CHKA: variants seen among roughly 807,000 people sequenced by gnomAD.
CHKA encodes the protein choline kinase alpha.
A neutral mutation model predicts 60.1 loss-of-function variants in CHKA; 34 were observed. The observed-to-expected ratio is 0.57, with a 90% CI of 0.43 to 0.75. The LOEUF (loss-of-function observed/expected upper bound fraction) is 0.75, where lower values mean the gene tolerates loss of function less well. Ranked by LOEUF, CHKA falls within the 30% of genes least tolerant of loss-of-function variation. CHKA has a pLI of 0.00. For missense variants in CHKA, 563 were observed against 561.3 expected, an observed-to-expected ratio of 1.00 and a Z score of -0.03; for synonymous variants, 217 against 223.1, an observed-to-expected ratio of 0.97 and a Z score of 0.24.
At position 68,065,837 on chromosome 11, in the gene CHKA, T is replaced by A; in HGVS notation, c.1074A>T (p.Lys358Asn). The A allele has an allele frequency of 6.2e-7, 1 of 1,606,958 alleles. No individual in the cohort carries two copies. Among genetic ancestry groups the A allele is most frequent in the Non-Finnish European group, 8.5e-7 (1 of 1,174,318 alleles). Residue 358 changes from lysine (K) to asparagine (N), a missense_variant, in exon 9 of 12, where the codon AAA becomes AAT. Coordinates refer to ENST00000265689, the MANE Select transcript of CHKA (RefSeq NM_001277.3). ...CEWMYDYSYE[K>N]YPFFRANIRK... is the part of the protein sequence containing the mutation. Reference sequence around the variant, plus strand: ...GGATGTTTGCTCTGAAAAAAGGGTATTTTTCATAGCTATAATCATACATCC... The same window carrying A: ...GGATGTTTGCTCTGAAAAAAGGGTAATTTTCATAGCTATAATCATACATCC...
chr11:68,082,366 T>TA (rs1857015220), intron 2 of CHKA: 1 of 152,560 alleles, frequency 6.6e-6, no homozygotes, highest in Non-Finnish European at 1.5e-5. Flanking sequence ...ATACTGCCTC[T>TA]AAAAATGTTA....
At position 68,120,883 on chromosome 11, in the gene CHKA, G is replaced by T. The variant is rs749741039; in HGVS notation, c.295C>A (p.Leu99Met). 1 of 1,355,716 alleles carries T rather than the reference G, an allele frequency of 7.4e-7. No individual in the cohort carries two copies. The highest frequency in any genetic ancestry group is 1.5e-5 in the South Asian group (1 of 67,244). The allele number at this position is 1,355,716 out of a possible 1,614,324, so 84.0% of individuals were successfully genotyped here. ...RRAYLWCKEF[L>M]PGAWRGLRED... ...CGGAGGCCCCGCCAGGCGCCGGGCAGGAACTCCTTGCACCACAGATAGGCC... is the reference window on the plus strand; with the variant it reads ...CGGAGGCCCCGCCAGGCGCCGGGCATGAACTCCTTGCACCACAGATAGGCC... The change falls in exon 1 of 12, where the codon CTG becomes ATG. Residue 99 changes from leucine (L) to methionine (M), a missense_variant. Physicochemically the swap from Leu to Met is conservative, Grantham distance 15 (BLOSUM62 2). Coordinates refer to ENST00000265689, the MANE Select transcript of CHKA (RefSeq NM_001277.3).
At chr11:68,069,026 G>T in intron 6 of CHKA, 89 bp from the exon 7 acceptor site, 1 of 930,242 alleles carries the variant, frequency 1.1e-6, no homozygotes, top group Non-Finnish European at 1.7e-6. Context: ...CACCAAATTC[G>T]TGCTCCAAAG....
At chr11:68,073,949 A>T (rs1252707706) in intron 4 of CHKA, among the ~76,000 whole-genome samples, 1 of 152,214 alleles carries the variant, frequency 6.6e-6, no homozygotes, top group East Asian at 1.9e-4. Flanking sequence ...AGGCTGACAA[A>T]GACGAGCATT....
At chr11:68,061,026 A>G (rs1389377157) in intron 11 of CHKA, among the ~76,000 whole-genome samples, 1 of 149,934 alleles carries the variant, frequency 6.7e-6, no homozygotes, top group Non-Finnish European at 1.5e-5. Flanking sequence ...ACCAACATTC[A>G]TTCACTATGG....
At chr11:68,076,548 G>A (rs1371161447) in intron 3 of CHKA, among the ~76,000 whole-genome samples, 3 of 152,150 alleles carry the variant, frequency 2.0e-5, no homozygotes, top group Non-Finnish European at 1.5e-5. Flanking sequence ...CGGTCCTGGT[G>A]CTCTGAAGAC....
chr11:68,088,247 G>C (rs1463479698), intron 2 of CHKA, among the ~76,000 whole-genome samples: 1 of 151,860 alleles, frequency 6.6e-6, no homozygotes, highest in African/African-American at 2.4e-5. Context: ...CCTGAGCTGA[G>C]TACTGAAACA....
chr11:68,092,547 T>C (rs534348258), intron 2 of CHKA, among the ~76,000 whole-genome samples: 1 of 152,368 alleles, frequency 6.6e-6, no homozygotes, highest in Admixed American at 6.5e-5. Flanking sequence ...CAGCAGCTGT[T>C]GCCTGGCTCG....
In CHKA at chr11:68,070,312, A is replaced by G; in HGVS notation, c.765-19T>C. On this transcript the variant is annotated intron_variant, in intron 5 of 11. Transcript: ENST00000265689. ...TAGATACCTATTAAAAAATTTTCAAAAAAGAACAGAACAAAGAATCACCGA... is the reference window on the plus strand; with the variant it reads ...TAGATACCTATTAAAAAATTTTCAAGAAAGAACAGAACAAAGAATCACCGA... The G allele has an allele frequency of 2.0e-6, 3 of 1,503,162 alleles. No homozygotes were observed. Among genetic ancestry groups the G allele is most frequent in the Non-Finnish European group, 2.8e-6 (3 of 1,080,364 alleles). The allele number at this position is 1,503,162 out of a possible 1,614,324, so 93.1% of individuals were successfully genotyped here. A position where few individuals can be genotyped will look rare whatever the true frequency, so the allele number is the denominator to read the frequency against.
chr11:68,067,820 G>A (rs904171617), intron 7 of CHKA, among the ~76,000 whole-genome samples: 39 of 152,192 alleles, frequency 2.6e-4, no homozygotes, highest in Admixed American at 2.5e-3. Flanking sequence ...GAGTTAGCCA[G>A]CGATGAGCAG....
chr11:68,091,869 TC>T (rs1398790420), intron 2 of CHKA, among the ~76,000 whole-genome samples: 4 of 152,184 alleles, frequency 2.6e-5, no homozygotes, highest in African/African-American at 7.2e-5. Context: ...GGTAAAATGT[TC>T]AAAAGCTAAA....
At chr11:68,054,858 T>C (rs1339874531) in intron 11 of CHKA, among the ~76,000 whole-genome samples, 3 of 152,152 alleles carry the variant, frequency 2.0e-5, no homozygotes, top group African/African-American at 7.2e-5. Context: ...ACCGACTCAA[T>C]ATCTGTCACT....
chr11:68,084,330 A>G (rs1432055715), intron 2 of CHKA, among the ~76,000 whole-genome samples: 1 of 140,606 alleles, frequency 7.1e-6, no homozygotes, highest in Non-Finnish European at 1.5e-5. Context: ...ATATATACAC[A>G]TATACGTATA....
At chr11:68,112,830 C>T (rs192089312) in intron 1 of CHKA, among the ~76,000 whole-genome samples, 95 of 152,160 alleles carry the variant, frequency 6.2e-4, no homozygotes, top group African/African-American at 2.2e-3. Flanking sequence ...TGCCTGTAAT[C>T]CCAGCACTTC....
At chr11:68,065,286 G>C (rs1856403632) in intron 9 of CHKA, among the ~76,000 whole-genome samples, 1 of 152,190 alleles carries the variant, frequency 6.6e-6, no homozygotes, top group Non-Finnish European at 1.5e-5. Flanking sequence ...CTGAATACAA[G>C]TATCTCTGGC....
intron 1 of CHKA, among the ~76,000 whole-genome samples, chr11:68,119,235 T>TA (rs1255550152): frequency 1.3e-5 from 2 of 152,094 alleles, no homozygotes; most frequent in Non-Finnish European, 2.9e-5. Flanking sequence ...GCCTATTAAC[T>TA]CTCACTCTTA....
intron 3 of CHKA, among the ~76,000 whole-genome samples, 173 bp from the exon 4 acceptor site, chr11:68,075,003 C>A (rs1856741832): frequency 6.6e-6 from 1 of 152,220 alleles, no homozygotes; most frequent in Non-Finnish European, 1.5e-5. Flanking sequence ...TCCAAAGTCA[C>A]ACATCGTGTC....
At chr11:68,099,620 C>G (rs1857636033) in intron 1 of CHKA, among the ~76,000 whole-genome samples, 1 of 145,098 alleles carries the variant, frequency 6.9e-6, no homozygotes, top group Non-Finnish European at 1.5e-5. Context: ...CAAAAGCAGC[C>G]TTAACCTTTC....
At position 68,120,943 on chromosome 11, in the gene CHKA, C is replaced by T. The variant is rs781307552; in HGVS notation, c.235G>A (p.Ala79Thr). 8.5e-7 allele frequency: 1 copy of T among 1,178,092 alleles called. No individual in the cohort carries two copies. Among genetic ancestry groups the T allele is most frequent in the Admixed American group, 3.5e-5 (1 of 28,390 alleles). The allele number at this position is 1,178,092 out of a possible 1,614,324, so 73.0% of individuals were successfully genotyped here. The part of the protein sequence containing the change: ...LPQPPPPQPP[A>T]DEQPEPRTRR... The stretch of plus-strand genomic sequence containing the variant: ...GTCCGGGGCTCCGGCTGCTCGTCTG[C>T]GGGCGGCTGCGGCGGCGGGGGCTGG... The change falls in exon 1 of 12, where the codon GCA (alanine) becomes ACA (threonine). Residue 79 changes from alanine (A) to threonine (T), a missense_variant. Physicochemically the swap from Ala to Thr is moderately conservative, Grantham distance 58. Transcript: ENST00000265689.
Sources: gnomAD v4.1 joint callset for allele counts (sites outside exome capture counted in the v4.1 genomes callset) on GRCh38, gnomAD v4.1.1 for gene constraint, MANE v1.5 for transcripts, NCBI Gene and HGNC (gene_info 2026-07-23, HGNC 2026-07-21) for gene names.